The following SEMA4D variants were observed in gnomAD, a reference collection of about 807,000 sequenced individuals.
The protein encoded by SEMA4D is semaphorin-4D.
A neutral mutation model predicts 74.8 loss-of-function variants in SEMA4D; 22 were observed. The observed-to-expected ratio is 0.29, with a 90% CI of 0.21 to 0.42. SEMA4D has a LOEUF of 0.42. Among genes scored for constraint, SEMA4D ranks in the 10% least tolerant of loss-of-function variants. SEMA4D has a pLI of 1.00. For missense variants in SEMA4D, 937 were observed against 1,118.4 expected (o/e 0.84, Z 2.31); for synonymous variants, 445 against 463.7 (o/e 0.96, Z 0.52).
At chr9:89,495,965 G>A (rs34929811) in intron 1 of SEMA4D, among the ~76,000 whole-genome samples, 28,446 of 152,168 alleles carry the variant, frequency 0.19, 2,869 homozygotes, top group East Asian at 0.33. Flanking sequence ...AGTCAAAGCT[G>A]GCCATTAGCG....
intron 2 of SEMA4D, among the ~76,000 whole-genome samples, chr9:89,454,497 C>T (rs1855460302): frequency 6.6e-6 from 1 of 152,150 alleles, no homozygotes; most frequent in Admixed American, 6.5e-5. Context: ...GACAGGTGGG[C>T]CCTCCACCAA....
intron 2 of SEMA4D, among the ~76,000 whole-genome samples, chr9:89,420,012 G>A (rs1373153603): frequency 1.3e-5 from 2 of 152,186 alleles, no homozygotes; most frequent in African/African-American, 4.8e-5. Context: ...TCATCCTGTG[G>A]TTTAAGACAC....
intron 16 of SEMA4D, among the ~76,000 whole-genome samples, chr9:89,372,051 G>A (rs1433817870): frequency 1.6e-5 from 1 of 63,122 alleles, no homozygotes; most frequent in Admixed American, 1.6e-4. Context: ...TGTGTGTGTC[G>A]GGTGTGGTGT....
chr9:89,409,740 G>C (rs906765145), intron 2 of SEMA4D, among the ~76,000 whole-genome samples: 1 of 152,048 alleles, frequency 6.6e-6, no homozygotes, highest in Non-Finnish European at 1.5e-5. Flanking sequence ...AGTTCATTTC[G>C]GGTCAAATAC....
At chr9:89,495,424 GCCCTGGA>G (rs911509590) in intron 1 of SEMA4D, among the ~76,000 whole-genome samples, 3 of 152,108 alleles carry the variant, frequency 2.0e-5, no homozygotes. Flanking sequence ...TCCTCCAGCA[GCCCTGGA>G]CCCTGGACGG....
chr9:89,393,310 G>A (rs1333625707), intron 7 of SEMA4D, among the ~76,000 whole-genome samples: 1 of 152,230 alleles, frequency 6.6e-6, no homozygotes, highest in East Asian at 1.9e-4. Context: ...TGCTCAGCAC[G>A]CGGGGATTAT....
At chr9:89,386,249 GCAGA>G in intron 13 of SEMA4D, 114 bp downstream of exon 13, 1 of 1,006,864 alleles carries the variant, frequency 9.9e-7, no homozygotes, top group Non-Finnish European at 1.4e-6. Context: ...CTCACCCAGG[GCAGA>G]CAGACAGAGG....
intron 2 of SEMA4D, among the ~76,000 whole-genome samples, chr9:89,435,517 A>C (rs1055717040): frequency 2.6e-5 from 4 of 151,704 alleles, no homozygotes; most frequent in Non-Finnish European, 5.9e-5. Flanking sequence ...CCTTTCCCCA[A>C]CTCACAGAGA....
rs558328509 is a variant in SEMA4D, at chr9:89,400,101, C to T, written c.253-763G>A. On this transcript the variant is annotated intron_variant, in intron 4 of 15. Transcript: ENST00000422704. ...CTGTATCAGTAGAAAGGGAGATTTA[C>T]GATTCCTTAAACTTGCATGTTGGCA... Among the ~76,000 whole-genome samples the T allele has an allele frequency of 7.4e-5, 11 of 148,754 alleles. No individual in the cohort carries two copies. In the East Asian group the frequency reaches 1.2e-3, roughly 16 times the overall value.
chr9:89,463,930 T>C (rs528237063), intron 1 of SEMA4D, among the ~76,000 whole-genome samples: 2 of 125,160 alleles, frequency 1.6e-5, no homozygotes, highest in African/African-American at 3.1e-5. Context: ...CAAGACTCCG[T>C]CTCAGACAAA....
In SEMA4D at chr9:89,378,795, G is replaced by A. The variant is rs774575060; in HGVS notation, c.2498C>T (p.Ser833Leu). The change falls in exon 16 of 16, where the codon TCA (serine) becomes TTA (leucine). Residue 833 changes from serine to leucine, a missense_variant. Ser to Leu is a moderately radical substitution (Grantham distance 145). Coordinates refer to ENST00000422704, the MANE Select transcript of SEMA4D (RefSeq NM_001371194.2). The stretch of plus-strand genomic sequence containing the variant: ...GGCAGAAAGGTCGTCGATCCTCTGT[G>A]AGTCCTCCCTATCCGTGGGGACTTT... ...TSKVPTDRED[S>L]QRIDDLSARD... The A allele has an allele frequency of 3.7e-6, 6 of 1,614,102 alleles. No individual in the cohort carries two copies. The African/African-American group carries it at 8.0e-5, about 22-fold the overall frequency.
chr9:89,442,477 G>A (rs1851886562), intron 2 of SEMA4D, among the ~76,000 whole-genome samples: 1 of 152,150 alleles, frequency 6.6e-6, no homozygotes, highest in African/African-American at 2.4e-5. Context: ...GCAGCAACAT[G>A]TCAAAAGAGT....
At chr9:89,470,482 G>C (rs1859883338) in intron 1 of SEMA4D, among the ~76,000 whole-genome samples, 1 of 152,144 alleles carries the variant, frequency 6.6e-6, no homozygotes, top group African/African-American at 2.4e-5. Flanking sequence ...ACAATACCAG[G>C]TGCTGGTAAG....
At position 89,497,204 on chromosome 9, in the gene SEMA4D, G is replaced by A. The variant is rs1588216218; in HGVS notation, c.-310+715C>T. Among the ~76,000 whole-genome samples the A allele has an allele frequency of 2.0e-5, 3 of 152,328 alleles. No individual in the cohort carries two copies. The East Asian group carries it at 5.8e-4, about 29-fold the overall frequency. Reference sequence around the variant, plus strand: ...TTTTTACTGGCATAACCCCAGTAGAGCCAGCCCCTTGCAGCTCACTAGGCG... The same window carrying A: ...TTTTTACTGGCATAACCCCAGTAGAACCAGCCCCTTGCAGCTCACTAGGCG... On this transcript the variant is annotated intron_variant, in intron 1 of 15. Coordinates refer to ENST00000422704, the MANE Select transcript of SEMA4D (RefSeq NM_001371194.2).
In SEMA4D at chr9:89,389,050, A is replaced by G. The variant is rs1449067126; in HGVS notation, c.775-3T>C. On this transcript the variant is annotated splice_polypyrimidine_tract_variant and splice_region_variant and intron_variant, in intron 9 of 15. Transcript: ENST00000422704. ...GTCCTCAGGCCGCCCTGGTCCCCCT[A>G]AAACCCCAACAAGAAGACGTGGTGG... The G allele has an allele frequency of 6.2e-7, 1 of 1,613,976 alleles. No individual in the cohort carries two copies. The highest frequency in any genetic ancestry group is 2.2e-5 in the East Asian group (1 of 44,866).
chr9:89,488,959 C>T (rs753947936), intron 1 of SEMA4D, among the ~76,000 whole-genome samples: 1 of 151,962 alleles, frequency 6.6e-6, no homozygotes, highest in Non-Finnish European at 1.5e-5. Context: ...AGAAGACAAC[C>T]CAATTAAAAA....
At chr9:89,496,495 G>C (rs1826023569) in intron 1 of SEMA4D, among the ~76,000 whole-genome samples, 1 of 152,170 alleles carries the variant, frequency 6.6e-6, no homozygotes, top group Admixed American at 6.5e-5. Flanking sequence ...ACTCTTCTCA[G>C]TCTGAAGGTC....
intron 1 of SEMA4D, chr9:89,497,384 T>A (rs553504596): frequency 6.6e-6 from 1 of 152,288 alleles, no homozygotes; most frequent in Non-Finnish European, 1.5e-5. Flanking sequence ...CCTGTCTGAG[T>A]GCGCGGCGCC....
intron 5 of SEMA4D, among the ~76,000 whole-genome samples, chr9:89,398,590 C>G (rs878923694): frequency 1.3e-5 from 2 of 152,188 alleles, no homozygotes; most frequent in African/African-American, 2.4e-5. Context: ...GACAGCTGTC[C>G]CACACAATGA....
Sources: allele counts gnomAD v4.1 joint callset (sites outside exome capture counted in the v4.1 genomes callset), GRCh38; gene constraint gnomAD v4.1.1; transcripts MANE v1.5; gene names NCBI Gene and HGNC (gene_info 2026-07-23, HGNC 2026-07-21).